Variants in CCDC178 observed in about 807,000 individuals in gnomAD.
CCDC178 encodes coiled-coil domain containing 178, also known as coiled-coil domain-containing protein 178.
A neutral mutation model predicts 117.4 loss-of-function variants in CCDC178; 126 were observed. The ratio of observed to expected loss-of-function variants is 1.07; its 90% CI spans 0.93 to 1.24. The LOEUF (loss-of-function observed/expected upper bound fraction) is 1.24. Ranked by LOEUF, CCDC178 falls within the 50% of genes most tolerant of loss-of-function variation. CCDC178 has a pLI of 0.00. For missense variants in CCDC178, 1,030 were observed against 986.9 expected (o/e 1.04, Z -0.59); for synonymous variants, 283 against 313.4 (o/e 0.90, Z 1.02).
intron 3 of CCDC178, among the ~76,000 whole-genome samples, chr18:33,410,636 T>C (rs959363949): frequency 2.6e-5 from 4 of 152,168 alleles, no homozygotes; most frequent in Admixed American, 2.6e-4. Flanking sequence ...ATTATAACCC[T>C]GAAGAAAATT....
chr18:33,331,083 T>A (rs987662240), intron 10 of CCDC178, among the ~76,000 whole-genome samples: 6 of 145,964 alleles, frequency 4.1e-5, no homozygotes, highest in African/African-American at 1.5e-4. Flanking sequence ...TTCTTCCCAT[T>A]CACAAGCCTG....
At chr18:33,335,521 G>GT (rs2062727812) in intron 9 of CCDC178, among the ~76,000 whole-genome samples, 1 of 151,940 alleles carries the variant, frequency 6.6e-6, no homozygotes, top group South Asian at 2.1e-4. Flanking sequence ...TATATGCCAT[G>GT]TTTTAAATAT....
At chr18:33,118,033 G>A (rs931918869) in intron 20 of CCDC178, among the ~76,000 whole-genome samples, 2 of 152,066 alleles carry the variant, frequency 1.3e-5, no homozygotes, top group Non-Finnish European at 2.9e-5. Flanking sequence ...GACAACCACA[G>A]ACATACAGAA....
chr18:32,998,324 C>T (rs1366067605), intron 21 of CCDC178, among the ~76,000 whole-genome samples: 1 of 152,152 alleles, frequency 6.6e-6, no homozygotes, highest in Non-Finnish European at 1.5e-5. Context: ...CAATCAGAAC[C>T]CCCGAGTTCC....
chr18:33,185,639 A>G (rs1028921424), intron 20 of CCDC178, among the ~76,000 whole-genome samples: 2 of 152,100 alleles, frequency 1.3e-5, no homozygotes, highest in African/African-American at 4.8e-5. Context: ...GTAAACAAAT[A>G]TAGAAAAGAC....
intron 22 of CCDC178, among the ~76,000 whole-genome samples, chr18:32,942,044 T>C (rs1342241038): frequency 3.3e-5 from 5 of 152,104 alleles, no homozygotes; most frequent in African/African-American, 1.2e-4. Context: ...TCCCACCCAG[T>C]TGATCACATA....
chr18:33,140,134 T>G (rs577109945), intron 20 of CCDC178, among the ~76,000 whole-genome samples: 1 of 152,152 alleles, frequency 6.6e-6, no homozygotes, highest in Non-Finnish European at 1.5e-5. Context: ...TCTGCCTAGA[T>G]TTCAGAGGAT....
At chr18:32,954,706 T>A (rs761957267) in intron 22 of CCDC178, 9 of 152,148 alleles carry the variant, frequency 5.9e-5, no homozygotes, top group Non-Finnish European at 1.0e-4. Flanking sequence ...CAGAAAGCAG[T>A]ATCAGACAGT....
chr18:33,435,160 G>C (rs1279304489), intron 2 of CCDC178, among the ~76,000 whole-genome samples: 4 of 152,062 alleles, frequency 2.6e-5, no homozygotes, highest in Non-Finnish European at 1.5e-5. Flanking sequence ...TTCCACTTAA[G>C]AGTTAATTAT....
chr18:33,130,863 G>A (rs1242372761), intron 20 of CCDC178, among the ~76,000 whole-genome samples: 1 of 151,800 alleles, frequency 6.6e-6, no homozygotes, highest in Non-Finnish European at 1.5e-5. Flanking sequence ...CCTTTCCTCA[G>A]ACAAAAAGGA....
At chr18:33,399,543 C>T (rs2063682928) in intron 3 of CCDC178, among the ~76,000 whole-genome samples, 2 of 152,188 alleles carry the variant, frequency 1.3e-5, no homozygotes, top group South Asian at 4.1e-4. Flanking sequence ...TTCAACAATG[C>T]CTACAGTATC....
chr18:32,949,627 A>G (rs1173818071), intron 22 of CCDC178, among the ~76,000 whole-genome samples: 8 of 152,146 alleles, frequency 5.3e-5, no homozygotes, highest in African/African-American at 7.2e-5. Flanking sequence ...ATTTATAAAC[A>G]TATGGGATAC....
chr18:33,202,391 TAAAAAAAAAAAAA>T (rs60997290), intron 20 of CCDC178, among the ~76,000 whole-genome samples: 204 of 20,292 alleles, frequency 0.01, 4 homozygotes, highest in African/African-American at 0.028. Flanking sequence ...GACTCCATCT[TAAAAAAAAAAAAA>T]AAAAAAAAAA....
chr18:33,257,414 T>G (rs2144733955), intron 14 of CCDC178, among the ~76,000 whole-genome samples: 1 of 152,234 alleles, frequency 6.6e-6, no homozygotes, highest in East Asian at 1.9e-4. Context: ...CACAGATCCA[T>G]GGCCCATGAC....
intron 6 of CCDC178, among the ~76,000 whole-genome samples, chr18:33,369,499 A>T (rs2063267156): frequency 6.6e-6 from 1 of 152,042 alleles, no homozygotes; most frequent in Admixed American, 6.6e-5. Flanking sequence ...AATAAAAGGT[A>T]TGAGAAGTGG....
At chr18:33,384,187 A>T (rs1357442335) in intron 5 of CCDC178, among the ~76,000 whole-genome samples, 1 of 152,166 alleles carries the variant, frequency 6.6e-6, no homozygotes, top group East Asian at 1.9e-4. Context: ...TAAAACAAAC[A>T]AAACCTCTGA....
chr18:32,976,470 T>C (rs893824933), intron 21 of CCDC178, among the ~76,000 whole-genome samples: 1 of 152,112 alleles, frequency 6.6e-6, no homozygotes, highest in Non-Finnish European at 1.5e-5. Context: ...GCATCAATGA[T>C]TTAAATAATA....
At chr18:32,983,446 G>A in intron 21 of CCDC178, 1 of 700,694 alleles carries the variant, frequency 1.4e-6, no homozygotes, top group Non-Finnish European at 2.4e-6. Context: ...TAGTACAACT[G>A]TAGAAGCAGC....
intron 21 of CCDC178, among the ~76,000 whole-genome samples, chr18:33,057,244 G>A (rs914985049): frequency 6.6e-6 from 1 of 152,116 alleles, no homozygotes; most frequent in Non-Finnish European, 1.5e-5. Flanking sequence ...GGCCTTAGGG[G>A]CAAAGTTGTT....
Sources: gnomAD v4.1 joint callset for allele counts (sites outside exome capture counted in the v4.1 genomes callset) on GRCh38, gnomAD v4.1.1 for gene constraint, MANE v1.5 for transcripts, NCBI Gene and HGNC (gene_info 2026-07-23, HGNC 2026-07-21) for gene names.